The following NRG3 variants were observed in gnomAD, a reference collection of about 807,000 sequenced individuals.
NRG3 encodes the protein pro-neuregulin-3, membrane-bound isoform.
NRG3 carries 31 observed loss-of-function variants against 66.9 expected under a neutral mutation model. That is an observed-to-expected ratio of 0.46 (90% CI 0.35 to 0.63). The LOEUF is 0.63. Ranked by LOEUF, NRG3 falls within the 20% of genes least tolerant of loss-of-function variation. The pLI, the probability that NRG3 is intolerant of heterozygous loss-of-function variation, is 0.00. For missense variants in NRG3, 910 were observed against 878.9 expected (o/e 1.04, Z -0.45); for synonymous variants, 393 against 359.4 (o/e 1.09, Z -1.06).
At chr10:81,927,691 T>C (rs1407976021) in intron 1 of NRG3, among the ~76,000 whole-genome samples, 1 of 152,154 alleles carries the variant, frequency 6.6e-6, no homozygotes, top group African/African-American at 2.4e-5. Context: ...CTAATTAACG[T>C]CTTGCATTGA....
Position 82,299,177 on chromosome 10 carries a change from C to A in NRG3, c.824-59562C>A, listed in dbSNP as rs548216611. ...TAGGGATCTGCAGCCAAGTGAGAGG[C>A]AAGAAGAGTGGCTGAGTCAAGGATG... On this transcript the variant is annotated intron_variant, in intron 1 of 8. Coordinates refer to ENST00000372141, the MANE Select transcript of NRG3 (RefSeq NM_001010848.4). 8.5e-5 allele frequency among the ~76,000 whole-genome samples: 13 copies of A among 152,202 alleles called. No individual in the cohort carries two copies. The South Asian group carries it at 2.7e-3, about 32-fold the overall frequency.
intron 2 of NRG3, among the ~76,000 whole-genome samples, chr10:82,493,003 T>C (rs1421304339): frequency 2.6e-5 from 4 of 152,200 alleles, no homozygotes; most frequent in Non-Finnish European, 5.9e-5. Context: ...ATTAGTTGGG[T>C]ATCCCTGCTG....
At chr10:82,272,506 A>G (rs1034847025) in intron 1 of NRG3, among the ~76,000 whole-genome samples, 9 of 152,068 alleles carry the variant, frequency 5.9e-5, no homozygotes, top group African/African-American at 1.9e-4. Flanking sequence ...ATGCCTGTAG[A>G]TCTAACCTTA....
intron 2 of NRG3, among the ~76,000 whole-genome samples, chr10:82,616,070 T>G (rs1219802286): frequency 6.6e-6 from 1 of 152,176 alleles, no homozygotes; most frequent in Admixed American, 6.5e-5. Flanking sequence ...CAGGGATGAC[T>G]GCCATGTGCA....
At chr10:81,895,385 G>T (rs550714633) in intron 1 of NRG3, among the ~76,000 whole-genome samples, 10 of 152,072 alleles carry the variant, frequency 6.6e-5, no homozygotes, top group Non-Finnish European at 1.3e-4. Flanking sequence ...TGCATACTCA[G>T]ATTATTGATC....
intron 3 of NRG3, among the ~76,000 whole-genome samples, chr10:82,773,339 A>G (rs1295200156): frequency 6.6e-6 from 1 of 152,176 alleles, no homozygotes. Flanking sequence ...TTGATAATAA[A>G]TGAAAATGAG....
At chr10:82,374,318 C>T (rs920664079) in intron 2 of NRG3, among the ~76,000 whole-genome samples, 1 of 152,176 alleles carries the variant, frequency 6.6e-6, no homozygotes, top group Admixed American at 6.5e-5. Flanking sequence ...AGGTCGCTTC[C>T]TCAAAGACGC....
chr10:82,781,442 T>A (rs903417432), intron 3 of NRG3, among the ~76,000 whole-genome samples: 1 of 152,170 alleles, frequency 6.6e-6, no homozygotes, highest in Non-Finnish European at 1.5e-5. Context: ...CAAATAATAA[T>A]TAATGAAACC....
At chr10:81,977,566 G>A (rs961861149) in intron 1 of NRG3, among the ~76,000 whole-genome samples, 2 of 152,046 alleles carry the variant, frequency 1.3e-5, no homozygotes, top group African/African-American at 2.4e-5. Flanking sequence ...CTAATCAATG[G>A]GTGTGTTTAT....
At chr10:82,799,662 T>A (rs2060952670) in intron 3 of NRG3, 1 of 152,114 alleles carries the variant, frequency 6.6e-6, no homozygotes, top group South Asian at 2.1e-4. Flanking sequence ...TGATGGGGGA[T>A]TCGTGCACCA....
chr10:81,901,195 C>A (rs548227677), intron 1 of NRG3, among the ~76,000 whole-genome samples: 1 of 152,252 alleles, frequency 6.6e-6, no homozygotes, highest in East Asian at 1.9e-4. Flanking sequence ...AGTGACTTTG[C>A]TGATGTGTCA....
At chr10:82,932,913 TC>T (rs758339447) in intron 4 of NRG3, among the ~76,000 whole-genome samples, 6 of 152,174 alleles carry the variant, frequency 3.9e-5, no homozygotes, top group Non-Finnish European at 8.8e-5. Flanking sequence ...TCCAGTCTTA[TC>T]TTCTCCCTTC....
chr10:82,568,502 AG>A (rs1201037866), intron 2 of NRG3, among the ~76,000 whole-genome samples: 1 of 151,856 alleles, frequency 6.6e-6, no homozygotes, highest in Non-Finnish European at 1.5e-5. Context: ...ATAGCTCTAA[AG>A]CACTTCTCCC....
intron 1 of NRG3, among the ~76,000 whole-genome samples, chr10:82,061,861 T>TCTCTCTCTCTCTCTCTCA (rs2064164632): frequency 6.8e-6 from 1 of 147,742 alleles, no homozygotes; most frequent in African/African-American, 2.6e-5. Flanking sequence ...TCTCTCTCTC[T>TCTCTCTCTCTCTCTCTCA]CACACACACA....
rs1853423468 is a variant in NRG3 at position 82,986,221 on chromosome 10, C to G, written c.*616C>G. The G allele has an allele frequency of 6.6e-6, 1 of 152,226 alleles. No homozygotes were observed. Among genetic ancestry groups the G allele is most frequent in the African/African-American group, 2.4e-5 (1 of 41,448 alleles). 9.4% of individuals were successfully genotyped at this position (152,226 alleles called of 1,614,324 possible). On this transcript the variant is annotated 3_prime_UTR_variant, in exon 9 of 9. Transcript: ENST00000372141. ...CACCTTCCTCTGAGATTTGAATGCA[C>G]AGATCTCAGCTGGAGGTATGAAATT...
intron 1 of NRG3, among the ~76,000 whole-genome samples, chr10:81,964,123 C>T (rs1351601947): frequency 2.0e-5 from 3 of 151,974 alleles, no homozygotes; most frequent in East Asian, 1.9e-4. Context: ...ATTTTGTGTA[C>T]GACCCTCCAG....
intron 1 of NRG3, among the ~76,000 whole-genome samples, chr10:82,250,684 A>G (rs1175455233): frequency 1.3e-5 from 2 of 152,190 alleles, no homozygotes; most frequent in East Asian, 3.9e-4. Flanking sequence ...GCTGAATTTT[A>G]TACCATTTTA....
intron 4 of NRG3, among the ~76,000 whole-genome samples, chr10:82,907,851 T>C (rs1844905448): frequency 6.6e-6 from 1 of 152,168 alleles, no homozygotes; most frequent in South Asian, 2.1e-4. Flanking sequence ...AGCAAATGTG[T>C]GAAAATTATG....
At chr10:82,545,574 G>A (rs2043842016) in intron 2 of NRG3, among the ~76,000 whole-genome samples, 1 of 151,382 alleles carries the variant, frequency 6.6e-6, no homozygotes, top group Non-Finnish European at 1.5e-5. Context: ...GTAGAGATGG[G>A]GTTTCACCGT....
Sources: gnomAD v4.1 joint callset for allele counts (sites outside exome capture counted in the v4.1 genomes callset) on GRCh38, gnomAD v4.1.1 for gene constraint, MANE v1.5 for transcripts, NCBI Gene and HGNC (gene_info 2026-07-23, HGNC 2026-07-21) for gene names.